Variants in GMPPB observed in about 807,000 individuals in gnomAD.
GMPPB encodes GDP-mannose pyrophosphorylase B.
GMPPB carries 38 observed loss-of-function variants against 40.3 expected under a neutral mutation model. The ratio of observed to expected loss-of-function variants is 0.94; its 90% CI spans 0.73 to 1.24. GMPPB has a LOEUF of 1.24. Among genes scored for constraint, GMPPB ranks in the 50% most tolerant of loss-of-function variants. The pLI is 0.00. For synonymous variants in GMPPB, 193 were observed against 191.8 expected, an observed-to-expected ratio of 1.01 and a Z score of -0.05; for missense variants, 436 against 487.1, an observed-to-expected ratio of 0.90 and a Z score of 0.99.
rs995393252 is a variant in GMPPB at position 49,720,246 on chromosome 3, G to A, written c.*1506C>T. Reference sequence around the variant, plus strand: ...CAGGAGAATCACTTGAACCCGGGAGGTGGAGGTTGCAGTGAGCCGAGATCG... The same window carrying A: ...CAGGAGAATCACTTGAACCCGGGAGATGGAGGTTGCAGTGAGCCGAGATCG... On this transcript the variant is annotated 3_prime_UTR_variant, in exon 9 of 9. Transcript: ENST00000308388. 21 of 276,864 alleles carry A rather than the reference G, an allele frequency of 7.6e-5. No individual in the cohort carries two copies. Among genetic ancestry groups the A allele is most frequent in the Middle Eastern group, 1.0e-3 (1 of 976 alleles). 17.2% of individuals were successfully genotyped at this position (276,864 alleles called of 1,614,324 possible).
rs1026762775 is a variant in GMPPB at position 49,723,812 on chromosome 3, C to G, written c.-86G>C. On this transcript the variant is annotated 5_prime_UTR_variant, in exon 1 of 9. Transcript: ENST00000308388. ...GGTCCCTGCCGCGCACTCCCAACGC[C>G]GTGCCCGGCCCCGCGCCCTTCACCA... 3 of 1,425,600 alleles carry G rather than the reference C, an allele frequency of 2.1e-6. No homozygotes were observed. In the Admixed American group the frequency reaches 8.3e-5, roughly 39 times the overall value. 88.3% of individuals were successfully genotyped at this position (1,425,600 alleles called of 1,614,324 possible). A position where few individuals can be genotyped will look rare whatever the true frequency, so the allele number is the denominator to read the frequency against.
Position 49,722,054 on chromosome 3 carries a change from G to A in GMPPB, c.862C>T (p.Arg288Trp), listed in dbSNP as rs1230808770. The A allele has an allele frequency of 4.3e-6, 7 of 1,613,044 alleles. No individual in the cohort carries two copies. Among genetic ancestry groups the A allele is most frequent in the South Asian group, 3.3e-5 (3 of 91,042 alleles). The change falls in exon 8 of 9, where the codon CGG becomes TGG. Residue 288 changes from arginine (R) to tryptophan (W), a missense_variant. Transcript: ENST00000308388. ...VVVEDGVCIR[R>W]CTVLRDARIR... is the part of the protein sequence containing the mutation. ...CGGGCATCCCGCAGCACCGTGCACC[G>A]CCGGATACACACACCATCTTCGACC...
Position 49,722,483 on chromosome 3 carries a change from C to T in GMPPB, c.589G>A (p.Val197Ile). 1.9e-6 allele frequency: 3 copies of T among 1,614,204 alleles called. No homozygotes were observed. Among genetic ancestry groups the T allele is most frequent in the Non-Finnish European group, 2.5e-6 (3 of 1,180,018 alleles). The change falls in exon 6 of 9, where the codon GTC (valine) becomes ATC (isoleucine). Residue 197 changes from valine to isoleucine, a missense_variant. Val to Ile is a conservative substitution (Grantham distance 29). Coordinates refer to ENST00000308388, the MANE Select transcript of GMPPB (RefSeq NM_021971.4). ...CCCTCCTTGGCCATAATGGGGAAGA[C>T]CTCCTTCTCAATGGACGTAGGCTGC... is the stretch of plus-strand genomic sequence containing the variant. ...QLQPTSIEKE[V>I]FPIMAKEGQL...
At chr3:49,721,935 C>G in intron 8 of GMPPB, 30 bp downstream of exon 8, 1 of 1,613,520 alleles carries the variant, frequency 6.2e-7, no homozygotes, top group Admixed American at 1.7e-5. Flanking sequence ...CCCCGCCCCT[C>G]TCCCCACCCA....
intron 1 of GMPPB, 41 bp downstream of exon 1, chr3:49,723,557 C>A (rs1575297185): frequency 6.2e-7 from 1 of 1,608,300 alleles, no homozygotes. Flanking sequence ...CCTAGTCCCG[C>A]CAGATCCGAA....
In GMPPB at chr3:49,723,606, G is replaced by C; in HGVS notation, c.121C>G (p.Leu41Val). 2 of 1,590,260 alleles carry C rather than the reference G, an allele frequency of 1.3e-6. No individual in the cohort carries two copies. The highest frequency in any genetic ancestry group is 1.7e-6 in the Non-Finnish European group (2 of 1,166,878). The change falls in exon 1 of 9, where the codon CTA (leucine) becomes GTA (valine). Residue 41 changes from leucine (L) to valine (V), a missense_variant. Coordinates refer to ENST00000308388, the MANE Select transcript of GMPPB (RefSeq NM_021971.4). ...KPILLHQVEA[L>V]AAAGVDHVIL... is the part of the protein sequence containing the mutation. The stretch of plus-strand genomic sequence containing the variant: ...CCGACCCAGGGTCTTACCGCGGCTA[G>C]CGCCTCCACTTGGTGCAGCAAGATG...
At position 49,721,621 on chromosome 3, in the gene GMPPB, G is replaced by T; in HGVS notation, c.*131C>A. Reference sequence around the variant, plus strand: ...ATGATGTCCACATGAGAAGGCAGGTGTCCAACAGCTTCAGCTTCACCCAGT... The same window carrying T: ...ATGATGTCCACATGAGAAGGCAGGTTTCCAACAGCTTCAGCTTCACCCAGT... On this transcript the variant is annotated 3_prime_UTR_variant, in exon 9 of 9. Transcript: ENST00000308388. 2 of 929,788 alleles carry T rather than the reference G, an allele frequency of 2.2e-6. No individual in the cohort carries two copies. Among genetic ancestry groups the T allele is most frequent in the Non-Finnish European group, 3.3e-6 (2 of 599,312 alleles). The allele number at this position is 929,788 out of a possible 1,614,324, so 57.6% of individuals were successfully genotyped here.
rs1024350492 is a variant in GMPPB, at chr3:49,723,533, A to C, written c.130-61T>G. ...GAAGGTACGGGAGCCCCTGACCCCTAGTCGCTGGCCATCCCTAGTCCCGCC... is the reference window on the plus strand; with the variant it reads ...GAAGGTACGGGAGCCCCTGACCCCTCGTCGCTGGCCATCCCTAGTCCCGCC... On this transcript the variant is annotated intron_variant, in intron 1 of 8. Transcript: ENST00000308388. 3.1e-6 allele frequency: 5 copies of C among 1,611,146 alleles called. No individual in the cohort carries two copies. In the East Asian group the frequency reaches 1.1e-4, roughly 36 times the overall value.
chr3:49,721,013 C>G lies in GMPPB; in HGVS notation c.*739G>C. On this transcript the variant is annotated 3_prime_UTR_variant, in exon 9 of 9. Coordinates refer to ENST00000308388, the MANE Select transcript of GMPPB (RefSeq NM_021971.4). ...CTCCAGCCCACCCTTCACTCTCCTC[C>G]CTGCAGCCCACCAGTGAGGAGGACC... is the stretch of plus-strand genomic sequence containing the variant. The G allele has an allele frequency of 6.2e-7, 1 of 1,610,366 alleles. No individual in the cohort carries two copies. Among genetic ancestry groups the G allele is most frequent in the African/African-American group, 1.3e-5 (1 of 75,016 alleles).
chr3:49,721,792 G>GACTT lies in GMPPB; in HGVS notation c.1039_1042dup (p.Ser348Ter), dbSNP rs1210040661. ...AGGCTCTGGCACTGACTCGCCAATA[G>GACTT]ACTTGTGGGGCAGCACGCTGGCTCC... is the stretch of plus-strand genomic sequence containing the variant. On this transcript the variant is annotated stop_gained and frameshift_variant, in exon 9 of 9. Coordinates refer to ENST00000308388, the MANE Select transcript of GMPPB (RefSeq NM_021971.4). LOFTEE classifies it high-confidence loss of function. 1 of 1,611,424 alleles carries GACTT rather than the reference G, an allele frequency of 6.2e-7. No homozygotes were observed. Among genetic ancestry groups the GACTT allele is most frequent in the Admixed American group, 1.7e-5 (1 of 60,020 alleles).
Position 49,723,436 on chromosome 3 carries a change from T to A in GMPPB, c.166A>T (p.Met56Leu). The A allele has an allele frequency of 6.2e-7, 1 of 1,614,050 alleles. No individual in the cohort carries two copies. The highest frequency in any genetic ancestry group is 8.5e-7 in the Non-Finnish European group (1 of 1,180,012). ...VDHVILAVSY[M>L]SQVLEKEMKA... is the part of the protein sequence containing the mutation. ...ATTTCCTTCTCCAGCACCTGCGACA[T>A]GTAGCTCACGGCCAGGATCACGTGG... The change falls in exon 2 of 9, where the codon ATG becomes TTG. Residue 56 changes from methionine (M) to leucine (L), a missense_variant. Transcript: ENST00000308388.
Position 49,720,915 on chromosome 3 carries a change from C to T in GMPPB, c.*837G>A, listed in dbSNP as rs2108208908. On this transcript the variant is annotated 3_prime_UTR_variant, in exon 9 of 9. Coordinates refer to ENST00000308388, the MANE Select transcript of GMPPB (RefSeq NM_021971.4). ...CCCTGGTGAGTGGGAACACGGTGCA[C>T]AGGTCCATGCCACTTGAATATGTGT... 6.2e-7 allele frequency: 1 copy of T among 1,613,314 alleles called. No individual in the cohort carries two copies. Among genetic ancestry groups the T allele is most frequent in the Non-Finnish European group, 8.5e-7 (1 of 1,179,320 alleles).
chr3:49,723,388 T>C lies in GMPPB; in HGVS notation c.210+4A>G. Reference sequence around the variant, plus strand: ...AGAATAAGGGCCAAGAGTCTGTGCCTCACCCTCTGCTCCTGTGCCTTCATT... The same window carrying C: ...AGAATAAGGGCCAAGAGTCTGTGCCCCACCCTCTGCTCCTGTGCCTTCATT... On this transcript the variant is annotated splice_donor_region_variant and intron_variant, in intron 2 of 8. Transcript: ENST00000308388. 6.2e-7 allele frequency: 1 copy of C among 1,613,990 alleles called. No homozygotes were observed. The highest frequency in any genetic ancestry group is 8.5e-7 in the Non-Finnish European group (1 of 1,179,880).
In GMPPB at chr3:49,722,002, G is replaced by GACTC; in HGVS notation, c.910_913dup (p.Ser305Ter). On this transcript the variant is annotated stop_gained and frameshift_variant, in exon 8 of 9. Transcript: ENST00000308388. LOFTEE classifies it high-confidence loss of function. The stretch of plus-strand genomic sequence containing the variant: ...GCGGCAGCGCCAGCCCACAATGCAG[G>GACTC]ACTCAAGCCAGGAATGGGAACGGAT... 1 of 1,613,592 alleles carries GACTC rather than the reference G, an allele frequency of 6.2e-7. No homozygotes were observed. Among genetic ancestry groups the GACTC allele is most frequent in the Non-Finnish European group, 8.5e-7 (1 of 1,180,002 alleles).
In GMPPB at chr3:49,722,265, C is replaced by T; in HGVS notation, c.734G>A (p.Cys245Tyr). Residue 245 changes from cysteine to tyrosine, a missense_variant, in exon 7 of 9, where the codon TGC becomes TAC. Cys to Tyr is a radical substitution (Grantham distance 194, BLOSUM62 -2). Transcript: ENST00000308388. The stretch of plus-strand genomic sequence containing the variant: ...GTTGCCCACAATGCCAGGGCCTGAG[C>T]ACAGCCGCTCAGGCTGCTTCTGCCT... ...SLRQKQPERL[C>Y]SGPGIVGNVL... 1 of 1,613,958 alleles carries T rather than the reference C, an allele frequency of 6.2e-7. No individual in the cohort carries two copies. Among genetic ancestry groups the T allele is most frequent in the African/African-American group, 1.3e-5 (1 of 75,056 alleles).
Position 49,720,599 on chromosome 3 carries a change from G to A in GMPPB, c.*1153C>T. 6.2e-7 allele frequency: 1 copy of A among 1,610,628 alleles called. No homozygotes were observed. Among genetic ancestry groups the A allele is most frequent in the Non-Finnish European group, 8.5e-7 (1 of 1,177,796 alleles). ...TCTCCTGGGACAGCCAGAGCCCCCA[G>A]CACCTGGCACTGCTCTGCCAGCCCC... On this transcript the variant is annotated 3_prime_UTR_variant, in exon 9 of 9. Coordinates refer to ENST00000308388, the MANE Select transcript of GMPPB (RefSeq NM_021971.4).
Position 49,721,831 on chromosome 3 carries a change from T to G in GMPPB, c.1004A>C (p.Glu335Ala). ...VLGEDVIVND[E>A]LYLNGASVLP... ...CACGCTGGCTCCGTTGAGGTAGAGC[T>G]CATCATTAACTATGACGTCCTCACC... Residue 335 changes from glutamate to alanine, a missense_variant, in exon 9 of 9, where the codon GAG (glutamate) becomes GCG (alanine). By Grantham distance (107) the Glu-to-Ala change is moderately radical. Transcript: ENST00000308388. 1.9e-6 allele frequency: 3 copies of G among 1,613,562 alleles called. No homozygotes were observed.
In GMPPB at chr3:49,720,278, C is replaced by G; in HGVS notation, c.*1474G>C. ...TTGCAGTGAGCCGAGATCGTGCCAT[C>G]GCACTCCAGCCTGGGCAACAGAGCG... is the stretch of plus-strand genomic sequence containing the variant. On this transcript the variant is annotated 3_prime_UTR_variant, in exon 9 of 9. Transcript: ENST00000308388. The G allele has an allele frequency of 2.9e-6, 1 of 344,482 alleles. No individual in the cohort carries two copies. Among genetic ancestry groups the G allele is most frequent in the East Asian group, 4.6e-5 (1 of 21,906 alleles). The allele number at this position is 344,482 out of a possible 1,614,324, so 21.3% of individuals were successfully genotyped here.
chr3:49,721,798 T>G lies in GMPPB; in HGVS notation c.1037A>C (p.His346Pro), dbSNP rs1472157050. 1.9e-6 allele frequency: 3 copies of G among 1,611,862 alleles called. No individual in the cohort carries two copies. In the African/African-American group the frequency reaches 4.0e-5, roughly 22 times the overall value. The change falls in exon 9 of 9, where the codon CAC becomes CCC. Residue 346 changes from histidine to proline, a missense_variant. Transcript: ENST00000308388. ...LYLNGASVLPHKSIGESVPEP... is the reference protein window; with the variant it reads ...LYLNGASVLPPKSIGESVPEP... ...TGGCACTGACTCGCCAATAGACTTG[T>G]GGGGCAGCACGCTGGCTCCGTTGAG...
Sources: allele counts gnomAD v4.1 joint callset, GRCh38; gene constraint gnomAD v4.1.1; transcripts MANE v1.5; gene names NCBI Gene and HGNC (gene_info 2026-07-23, HGNC 2026-07-21).